ASIC2: variants seen among roughly 807,000 people sequenced by gnomAD.
The protein encoded by ASIC2 is acid sensing ion channel subunit 2.
ASIC2 carries 25 observed loss-of-function variants against 57.3 expected under a neutral mutation model. The observed-to-expected ratio is 0.44, with a 90% confidence interval of 0.32 to 0.61. The LOEUF (loss-of-function observed/expected upper bound fraction) is 0.61. ASIC2 is among the 20% of genes least tolerant of loss of function. The probability of loss-of-function intolerance (pLI) is 0.06; values close to 1 mark genes in which losing one functional copy is unlikely to be tolerated. For synonymous variants in ASIC2, 319 were observed against 307.5 expected, an observed-to-expected ratio of 1.04 and a Z score of -0.39; for missense variants, 641 against 738.1, an observed-to-expected ratio of 0.87 and a Z score of 1.52.
chr17:33,910,973 G>A (rs991609754), intron 1 of ASIC2, among the ~76,000 whole-genome samples: 2 of 152,172 alleles, frequency 1.3e-5, no homozygotes, highest in Non-Finnish European at 2.9e-5. Flanking sequence ...AACAGAGGAA[G>A]CCCAGCCTAG....
intron 1 of ASIC2, among the ~76,000 whole-genome samples, chr17:34,149,973 A>G (rs933297678): frequency 6.6e-6 from 1 of 152,246 alleles, no homozygotes; most frequent in African/African-American, 2.4e-5. Flanking sequence ...AAAAGCCAAG[A>G]TATGGAATCA....
chr17:33,730,820 A>G (rs1190456472), intron 1 of ASIC2, among the ~76,000 whole-genome samples: 1 of 152,198 alleles, frequency 6.6e-6, no homozygotes, highest in Non-Finnish European at 1.5e-5. Context: ...ATTGAGGGAC[A>G]CTCAGAGATT....
At chr17:34,118,748 T>C (rs944714977) in intron 1 of ASIC2, 2 of 152,244 alleles carry the variant, frequency 1.3e-5, no homozygotes, top group African/African-American at 4.8e-5. Flanking sequence ...AGGAGGTGAG[T>C]GTGTCCTTAC....
chr17:34,035,831 A>G (rs9914943), intron 1 of ASIC2, among the ~76,000 whole-genome samples: 4,249 of 152,210 alleles, frequency 0.028, 198 homozygotes, highest in African/African-American at 0.096. Context: ...AACCACAATG[A>G]GATACCATCT....
At chr17:33,584,297 G>A (rs912505219) in intron 1 of ASIC2, among the ~76,000 whole-genome samples, 3 of 152,190 alleles carry the variant, frequency 2.0e-5, no homozygotes, top group South Asian at 4.1e-4. Flanking sequence ...CAGTTAGTAT[G>A]GAGCAGAGCT....
At chr17:33,071,380 A>G (rs1267525127) in intron 3 of ASIC2, among the ~76,000 whole-genome samples, 3 of 152,182 alleles carry the variant, frequency 2.0e-5, no homozygotes, top group Non-Finnish European at 2.9e-5. Context: ...TATCCAGTGT[A>G]TTTTTAAAAT....
In ASIC2 at chr17:33,852,131, G is replaced by A. The variant is rs1170643952; in HGVS notation, c.555+303847C>T. ...GCTAGACAGCCAGCAGGCTGTGCAA[G>A]CACAGAGTGGGGCCCAGCATCTATC... On this transcript the variant is annotated intron_variant, in intron 1 of 9. Transcript: ENST00000359872. Among the ~76,000 whole-genome samples the A allele has an allele frequency of 2.0e-5, 3 of 152,266 alleles. No homozygotes were observed. The South Asian group carries it at 6.2e-4, about 32-fold the overall frequency.
chr17:33,051,382 T>C (rs1486361704), intron 3 of ASIC2, among the ~76,000 whole-genome samples: 1 of 152,232 alleles, frequency 6.6e-6, no homozygotes, highest in East Asian at 1.9e-4. Flanking sequence ...TCTGGGTTAC[T>C]GTGTGAGGAA....
intron 1 of ASIC2, among the ~76,000 whole-genome samples, chr17:33,707,872 A>C (rs575627355): frequency 6.6e-6 from 1 of 152,302 alleles, no homozygotes; most frequent in East Asian, 1.9e-4. Context: ...ATCAACTGAC[A>C]CTATCTGTAA....
intron 1 of ASIC2, among the ~76,000 whole-genome samples, chr17:33,319,348 A>T (rs1432103029): frequency 6.6e-6 from 1 of 152,124 alleles, no homozygotes; most frequent in Non-Finnish European, 1.5e-5. Flanking sequence ...CCACATCAGG[A>T]TTGGGACACG....
intron 1 of ASIC2, among the ~76,000 whole-genome samples, chr17:33,336,290 G>A (rs1209205066): frequency 6.6e-6 from 1 of 152,084 alleles, no homozygotes; most frequent in Non-Finnish European, 1.5e-5. Flanking sequence ...AAGCCACATT[G>A]GAACCTGAAG....
At chr17:33,251,139 A>G (rs901863218) in intron 1 of ASIC2, among the ~76,000 whole-genome samples, 3 of 152,194 alleles carry the variant, frequency 2.0e-5, no homozygotes, top group Non-Finnish European at 4.4e-5. Context: ...CCTGGGCTAA[A>G]TATTTCTAAG....
chr17:33,777,242 G>A (rs1186989796), intron 1 of ASIC2, among the ~76,000 whole-genome samples: 1 of 152,114 alleles, frequency 6.6e-6, no homozygotes, highest in East Asian at 1.9e-4. Context: ...GCTTTTGCCT[G>A]CATCCTATCT....
intron 1 of ASIC2, among the ~76,000 whole-genome samples, chr17:33,447,912 C>CAAA (rs34092157): frequency 1.8e-4 from 13 of 73,062 alleles, no homozygotes; most frequent in African/African-American, 3.8e-4. Flanking sequence ...GACTCAGTCT[C>CAAA]AAAAAAAAAA....
intron 1 of ASIC2, among the ~76,000 whole-genome samples, chr17:33,482,066 C>T (rs1913425671): frequency 6.6e-6 from 1 of 152,242 alleles, no homozygotes; most frequent in Non-Finnish European, 1.5e-5. Context: ...GGTCTCTCCT[C>T]TCATGTGGTT....
At chr17:33,393,693 T>C (rs1421416015) in intron 1 of ASIC2, among the ~76,000 whole-genome samples, 2 of 152,194 alleles carry the variant, frequency 1.3e-5, no homozygotes, top group African/African-American at 4.8e-5. Flanking sequence ...TTCCAGTTGG[T>C]GATCTAAGTT....
chr17:33,213,660 GA>G (rs1437038676), intron 1 of ASIC2, among the ~76,000 whole-genome samples: 6 of 152,204 alleles, frequency 3.9e-5, no homozygotes, highest in African/African-American at 7.2e-5. Flanking sequence ...CCAACTGGGT[GA>G]GTGATAATAG....
At position 33,366,025 on chromosome 17, in the gene ASIC2, A is replaced by G. The variant is rs533648451; in HGVS notation, c.556-253958T>C. 5.3e-5 allele frequency among the ~76,000 whole-genome samples: 8 copies of G among 152,244 alleles called. No individual in the cohort carries two copies. The South Asian group carries it at 6.2e-4, about 12-fold the overall frequency. On this transcript the variant is annotated intron_variant, in intron 1 of 9. Coordinates refer to the ASIC2 transcript ENST00000359872. ...CCAGATGGTGCCTGGGGTCAGGATC[A>G]GTGCCTGGGGTCAGCATCAGTGACT...
At chr17:33,534,700 G>A (rs573869340) in intron 1 of ASIC2, 28 of 152,348 alleles carry the variant, frequency 1.8e-4, no homozygotes, top group African/African-American at 6.0e-4. Flanking sequence ...GACCTAACGT[G>A]TTGCTGTTAG....
Sources: allele counts gnomAD v4.1 joint callset (sites outside exome capture counted in the v4.1 genomes callset), GRCh38; gene constraint gnomAD v4.1.1; transcripts MANE v1.5; gene names NCBI Gene and HGNC (gene_info 2026-07-23, HGNC 2026-07-21).